ENTPD1: variants seen among roughly 807,000 people sequenced by gnomAD.
ENTPD1 encodes the protein ATP diphosphohydrolase.
A neutral mutation model predicts 57.0 loss-of-function variants in ENTPD1; 33 were observed. The observed-to-expected ratio is 0.58, with a 90% CI of 0.44 to 0.77. The LOEUF is 0.77. ENTPD1 is among the 30% of genes least tolerant of loss of function. The pLI is 0.00. For synonymous variants in ENTPD1, 202 were observed against 218.8 expected (o/e 0.92, Z 0.68); for missense variants, 501 against 603.4 (o/e 0.83, Z 1.78).
At chr10:95,728,988 A>G (rs557707204) in intron 1 of ENTPD1, among the ~76,000 whole-genome samples, 2 of 152,290 alleles carry the variant, frequency 1.3e-5, no homozygotes, top group South Asian at 2.1e-4. Flanking sequence ...CATATATTTT[A>G]TGCATTCATG....
Position 95,870,935 on chromosome 10 carries a change from ATC to A in ENTPD1, c.*4553_*4554del. 3.0e-6 allele frequency: 3 copies of A among 985,456 alleles called. No homozygotes were observed. The highest frequency in any genetic ancestry group is 3.6e-6 in the Non-Finnish European group (3 of 829,932). 61.0% of individuals were successfully genotyped at this position (985,456 alleles called of 1,614,324 possible). On this transcript the variant is annotated 3_prime_UTR_variant, in exon 10 of 10. Transcript: ENST00000371205. Reference sequence around the variant, plus strand: ...GCTCTACTTCAGGTGGTAAGGGTGGATCAGACCTATTCCATATACCTCTTGTT... The same window carrying A: ...GCTCTACTTCAGGTGGTAAGGGTGGAAGACCTATTCCATATACCTCTTGTT...
At position 95,868,064 on chromosome 10, in the gene ENTPD1, T is replaced by C. The variant is rs772274173; in HGVS notation, c.*1681T>C. 6.1e-6 allele frequency: 6 copies of C among 984,680 alleles called. No homozygotes were observed. Among genetic ancestry groups the C allele is most frequent in the Non-Finnish European group, 6.0e-6 (5 of 829,200 alleles). 61.0% of individuals were successfully genotyped at this position (984,680 alleles called of 1,614,324 possible). On this transcript the variant is annotated 3_prime_UTR_variant, in exon 10 of 10. Transcript: ENST00000371205. ...GTTGAGCATTTGTGGTGTACCACGC[T>C]GTGTGCTCAAGGGTATTACATTCAT...
the ENTPD1 span, among the ~76,000 whole-genome samples, chr10:95,706,589 C>T: frequency 2.6e-5 from 4 of 152,174 alleles, no homozygotes; most frequent in African/African-American, 9.7e-5. Flanking sequence ...GAGGTCTCTG[C>T]AGGCCTCTCA....
intron 1 of ENTPD1, among the ~76,000 whole-genome samples, chr10:95,788,013 A>G (rs2098187456): frequency 6.6e-6 from 1 of 152,172 alleles, no homozygotes; most frequent in South Asian, 2.1e-4. Context: ...AGAACATGTG[A>G]AGAATTCTTG....
intron 2 of ENTPD1, among the ~76,000 whole-genome samples, chr10:95,824,795 T>G (rs1464637685): frequency 6.6e-6 from 1 of 152,224 alleles, no homozygotes; most frequent in African/African-American, 2.4e-5. Flanking sequence ...TTAAGTCTCT[T>G]GTGCTTCTGC....
rs190808266 is a variant in ENTPD1 at position 95,840,943 on chromosome 10, G to A, written c.262+1135G>A. Among the ~76,000 whole-genome samples, 1,157 of 152,242 alleles carry A rather than the reference G, an allele frequency of 7.6e-3. 6 individuals carry two copies. The highest frequency in any genetic ancestry group is 0.012 in the Non-Finnish European group (832 of 68,028). ...GTCGTCAAGAAAGTAGTAGAGAGGA[G>A]ATATTTCCAAGAGAGCAAGTCATTC... is the stretch of plus-strand genomic sequence containing the variant. On this transcript the variant is annotated intron_variant, in intron 3 of 9. Coordinates refer to ENST00000371205, the MANE Select transcript of ENTPD1 (RefSeq NM_001776.6).
At chr10:95,847,801 C>A in intron 7 of ENTPD1, 95 bp downstream of exon 7, 1 of 1,565,848 alleles carries the variant, frequency 6.4e-7, no homozygotes, top group South Asian at 1.1e-5. Context: ...GCATTTTTCT[C>A]TTACATAATG....
Position 95,871,441 on chromosome 10 carries a change from A to C in ENTPD1, c.*5058A>C, listed in dbSNP as rs2098480313. The C allele has an allele frequency of 5.1e-6, 5 of 985,316 alleles. No individual in the cohort carries two copies. The highest frequency in any genetic ancestry group is 6.0e-6 in the Non-Finnish European group (5 of 829,922). The allele number at this position is 985,316 out of a possible 1,614,324, so 61.0% of individuals were successfully genotyped here. A position where few individuals can be genotyped will look rare whatever the true frequency, so the allele number is the denominator to read the frequency against. ...TTCTAAACTGGTAGATGTCCTAGGAAACCATACATCTATGTATTTTTCTTA... is the reference window on the plus strand; with the variant it reads ...TTCTAAACTGGTAGATGTCCTAGGACACCATACATCTATGTATTTTTCTTA... On this transcript the variant is annotated 3_prime_UTR_variant, in exon 10 of 10. Transcript: ENST00000371205.
chr10:95,710,007 T>G (rs926353432), upstream of ENTPD1, among the ~76,000 whole-genome samples: 1 of 151,592 alleles, frequency 6.6e-6, no homozygotes, highest in Non-Finnish European at 1.5e-5. Context: ...CTCCTGACCT[T>G]AGGTGATCCA....
chr10:95,811,628 G>T (rs1388861195), intron 1 of ENTPD1, among the ~76,000 whole-genome samples: 1 of 152,128 alleles, frequency 6.6e-6, no homozygotes, highest in Non-Finnish European at 1.5e-5. Context: ...GGGCTCAAGT[G>T]ATTATTCTGC....
intron 5 of ENTPD1, chr10:95,844,980 C>G: frequency 2.2e-6 from 1 of 462,892 alleles, no homozygotes. Context: ...TGATTTTATC[C>G]TTAGAACAAC....
chr10:95,721,710 A>G (rs1370445254), intron 1 of ENTPD1, among the ~76,000 whole-genome samples: 1 of 150,820 alleles, frequency 6.6e-6, no homozygotes, highest in African/African-American at 2.4e-5. Context: ...CCGGGATGCC[A>G]TCACCCCTAG....
chr10:95,871,658 C>T lies in ENTPD1; in HGVS notation c.*5275C>T. 1 of 985,326 alleles carries T rather than the reference C, an allele frequency of 1.0e-6. No homozygotes were observed. The highest frequency in any genetic ancestry group is 1.2e-6 in the Non-Finnish European group (1 of 829,854). 61.0% of individuals were successfully genotyped at this position (985,326 alleles called of 1,614,324 possible). A position where few individuals can be genotyped will look rare whatever the true frequency, so the allele number is the denominator to read the frequency against. On this transcript the variant is annotated 3_prime_UTR_variant, in exon 10 of 10. Coordinates refer to ENST00000371205, the MANE Select transcript of ENTPD1 (RefSeq NM_001776.6). ...TCATTTGAAGTGAAGATTGCTATGTCTTTTGCATTGCTCTATTTTACATAA... is the reference window on the plus strand; with the variant it reads ...TCATTTGAAGTGAAGATTGCTATGTTTTTTGCATTGCTCTATTTTACATAA...
In ENTPD1 at chr10:95,860,603, G is replaced by A. The variant is rs892804878; in HGVS notation, c.1188+21G>A. 4 of 1,596,754 alleles carry A rather than the reference G, an allele frequency of 2.5e-6. No individual in the cohort carries two copies. In the African/African-American group the frequency reaches 5.4e-5, roughly 21 times the overall value. Reference sequence around the variant, plus strand: ...AGGAGGTAAGTGACTAGGCACAGCAGCTCTAACAGCATGAGTGCCCTGTGT... The same window carrying A: ...AGGAGGTAAGTGACTAGGCACAGCAACTCTAACAGCATGAGTGCCCTGTGT... On this transcript the variant is annotated intron_variant, in intron 8 of 9. Transcript: ENST00000371205.
chr10:95,744,663 A>G (rs1252213570), intron 1 of ENTPD1, among the ~76,000 whole-genome samples: 2 of 149,760 alleles, frequency 1.3e-5, no homozygotes, highest in Non-Finnish European at 3.0e-5. Context: ...CTTTTCCTCT[A>G]CCTCCCTCTG....
intron 1 of ENTPD1, among the ~76,000 whole-genome samples, chr10:95,734,397 G>A (rs1268786743): frequency 6.6e-6 from 1 of 152,184 alleles, no homozygotes; most frequent in Admixed American, 6.5e-5. Flanking sequence ...CTTGCTCCAT[G>A]CATAAAAAAC....
At chr10:95,767,110 G>A (rs1175214295) in intron 1 of ENTPD1, among the ~76,000 whole-genome samples, 3 of 151,414 alleles carry the variant, frequency 2.0e-5, no homozygotes, top group Admixed American at 6.6e-5. Context: ...TAAAAGAAAA[G>A]CATTCCATCC....
intron 1 of ENTPD1, among the ~76,000 whole-genome samples, chr10:95,716,449 TGA>T (rs2097971625): frequency 6.6e-6 from 1 of 152,216 alleles, no homozygotes; most frequent in African/African-American, 2.4e-5. Context: ...TGTAACGGGT[TGA>T]GAGGTGGTAA....
the ENTPD1 span, among the ~76,000 whole-genome samples, chr10:95,694,340 G>A: frequency 6.6e-6 from 1 of 151,790 alleles, no homozygotes; most frequent in South Asian, 2.1e-4. Flanking sequence ...CCTTTCTATG[G>A]AAGAATAATG....
Sources: gnomAD v4.1 joint callset for allele counts (sites outside exome capture counted in the v4.1 genomes callset) on GRCh38, gnomAD v4.1.1 for gene constraint, MANE v1.5 for transcripts, NCBI Gene and HGNC (gene_info 2026-07-23, HGNC 2026-07-21) for gene names.